CPHXL: variants seen among roughly 807,000 people sequenced by gnomAD.
The protein encoded by CPHXL is cytoplasmic polyadenylated homeobox like.
In CPHXL at chr16:75,718,447, C is replaced by A. The variant is rs1019361892; in HGVS notation, c.37G>T (p.Glu13Ter). The A allele has an allele frequency of 1.0e-5, 4 of 398,390 alleles. No homozygotes were observed. In the East Asian group the frequency reaches 1.4e-4, roughly 14 times the overall value. The allele number at this position is 398,390 out of a possible 1,614,324, so 24.7% of individuals were successfully genotyped here. A position where few individuals can be genotyped will look rare whatever the true frequency, so the allele number is the denominator to read the frequency against. The part of the protein sequence containing the change: ...LDGTSGGFPA[E>*]EDHHNEERQT... ...CTTTCTTCATTATGATGATCCTCTT[C>A]AGCTGGGAAACCTGACAAAAGTATA... Residue 13 changes from glutamate (E) to a stop codon, truncating the protein, a stop_gained, in exon 2 of 3, where the codon GAA becomes TAA. Coordinates refer to ENST00000640559, the MANE Select transcript of CPHXL (RefSeq NM_001355613.1). LOFTEE classifies it high-confidence loss of function.
chr16:75,725,178 T>C (rs1959537259), intron 1 of CPHXL, among the ~76,000 whole-genome samples: 1 of 151,926 alleles, frequency 6.6e-6, no homozygotes, highest in Non-Finnish European at 1.5e-5. Context: ...TAATGTTAAA[T>C]GACGAGTTAA....
chr16:75,725,210 G>A lies in CPHXL; in HGVS notation c.25+1208C>T, dbSNP rs376543403. 9.9e-5 allele frequency among the ~76,000 whole-genome samples: 15 copies of A among 152,170 alleles called. 1 individual carries two copies. In the South Asian group the frequency reaches 2.7e-3, roughly 27 times the overall value. ...TTAATGGGTGCAGCACACCAACATG[G>A]CACATGTATATATATGTAACTAACC... On this transcript the variant is annotated intron_variant, in intron 1 of 2. Transcript: ENST00000640559.
chr16:75,722,107 G>C (rs893649018), intron 1 of CPHXL, among the ~76,000 whole-genome samples: 13 of 152,180 alleles, frequency 8.5e-5, no homozygotes, highest in Non-Finnish European at 1.9e-4. Flanking sequence ...TCAAAGCAGT[G>C]TGTAGAGGGA....
rs996701654 is a variant in CPHXL, at chr16:75,714,597, T to C, written c.845A>G (p.Tyr282Cys). The C allele has an allele frequency of 1.0e-5, 4 of 398,560 alleles. No homozygotes were observed. Among genetic ancestry groups the C allele is most frequent in the African/African-American group, 8.2e-5 (4 of 48,642 alleles). The allele number at this position is 398,560 out of a possible 1,614,324, so 24.7% of individuals were successfully genotyped here. A position where few individuals can be genotyped will look rare whatever the true frequency, so the allele number is the denominator to read the frequency against. ...CTTCACCCCATATGCACCTTGAGCG[T>C]AATCCAAAAGGAAAGGACTTGCATG... ...SQHASPFLLD[Y>C]AQGAYGVKKD... is the part of the protein sequence containing the mutation. The change falls in exon 3 of 3, where the codon TAC (tyrosine) becomes TGC (cysteine). Residue 282 changes from tyrosine (Y) to cysteine (C), a missense_variant. Physicochemically the swap from Tyr to Cys is radical, Grantham distance 194. Transcript: ENST00000640559.
At chr16:75,718,883 C>T (rs142978956) in intron 1 of CPHXL, among the ~76,000 whole-genome samples, 23 of 152,110 alleles carry the variant, frequency 1.5e-4, no homozygotes, top group East Asian at 3.9e-4. Flanking sequence ...ATTTCATCAC[C>T]GTAAGGTAAA....
chr16:75,722,843 A>C (rs1285614099), intron 1 of CPHXL, among the ~76,000 whole-genome samples: 1 of 152,190 alleles, frequency 6.6e-6, no homozygotes, highest in Non-Finnish European at 1.5e-5. Context: ...TTGATGCAAA[A>C]ATCCTCAATA....
chr16:75,718,939 A>G (rs1461043139), intron 1 of CPHXL, among the ~76,000 whole-genome samples: 3 of 152,228 alleles, frequency 2.0e-5, no homozygotes, highest in African/African-American at 4.8e-5. Context: ...GACATGGGCT[A>G]CTGAGGGAAT....
intron 1 of CPHXL, among the ~76,000 whole-genome samples, chr16:75,724,580 A>G (rs1193094496): frequency 3.9e-5 from 6 of 152,238 alleles, no homozygotes; most frequent in Admixed American, 1.3e-4. Context: ...ATGAGATACC[A>G]TCTCACACCA....
intron 1 of CPHXL, among the ~76,000 whole-genome samples, chr16:75,719,605 G>T (rs991726983): frequency 1.3e-4 from 20 of 152,176 alleles, no homozygotes; most frequent in Non-Finnish European, 2.6e-4. Flanking sequence ...AAGCTGCCAG[G>T]AAGCTCAAAC....
At chr16:75,724,781 A>G (rs1045686563) in intron 1 of CPHXL, among the ~76,000 whole-genome samples, 10 of 152,214 alleles carry the variant, frequency 6.6e-5, no homozygotes, top group South Asian at 2.1e-4. Flanking sequence ...CTGGGTATAT[A>G]CCCAAAGGAT....
intron 1 of CPHXL, among the ~76,000 whole-genome samples, chr16:75,725,626 G>C (rs1336607255): frequency 6.6e-6 from 1 of 151,738 alleles, no homozygotes; most frequent in Non-Finnish European, 1.5e-5. Flanking sequence ...CTAATTTTTT[G>C]TATTTTTAGT....
chr16:75,725,796 TATG>T (rs1959551295), intron 1 of CPHXL, among the ~76,000 whole-genome samples: 1 of 140,232 alleles, frequency 7.1e-6, no homozygotes, highest in African/African-American at 2.7e-5. Context: ...GCAACCTTGC[TATG>T]TTGCCTGGGC....
chr16:75,719,516 A>C (rs939745408), intron 1 of CPHXL, among the ~76,000 whole-genome samples: 52 of 152,288 alleles, frequency 3.4e-4, no homozygotes, highest in African/African-American at 1.1e-3. Context: ...CTAGCACAGC[A>C]GTGTGAGATC....
At chr16:75,717,721 C>G (rs1218397956) in intron 2 of CPHXL, among the ~76,000 whole-genome samples, 1 of 152,160 alleles carries the variant, frequency 6.6e-6, no homozygotes, top group African/African-American at 2.4e-5. Context: ...AAGCATCAGC[C>G]ACAGCGCCCA....
Position 75,714,940 on chromosome 16 carries a change from G to A in CPHXL, c.502C>T (p.Gln168Ter). 2.5e-6 allele frequency: 1 copy of A among 398,658 alleles called. No individual in the cohort carries two copies. The highest frequency in any genetic ancestry group is 1.3e-4 in the South Asian group (1 of 7,860). 24.7% of individuals were successfully genotyped at this position (398,658 alleles called of 1,614,324 possible). The change falls in exon 3 of 3, where the codon CAG (glutamine) becomes TAG (stop). Residue 168 changes from glutamine (Q) to a stop codon, truncating the protein, a stop_gained. Transcript: ENST00000640559. LOFTEE classifies it low-confidence loss of function (END_TRUNC). ...SLENQETPSQ[Q>*]VGPQCSYLEK... ...AGATAAGAGCACTGGGGGCCCACCTGTTGACTGGGAGTCTCTTGGTTCTCC... is the reference window on the plus strand; with the variant it reads ...AGATAAGAGCACTGGGGGCCCACCTATTGACTGGGAGTCTCTTGGTTCTCC...
chr16:75,724,396 A>G (rs1194777627), intron 1 of CPHXL, among the ~76,000 whole-genome samples: 1 of 152,236 alleles, frequency 6.6e-6, no homozygotes, highest in Non-Finnish European at 1.5e-5. Context: ...GCTAATATCC[A>G]GAATCTACAA....
intron 1 of CPHXL, among the ~76,000 whole-genome samples, chr16:75,719,643 G>A (rs1959446091): frequency 6.6e-6 from 1 of 152,186 alleles, no homozygotes; most frequent in African/African-American, 2.4e-5. Context: ...AGCTCAAGGA[G>A]GCCTGCCTGC....
In CPHXL at chr16:75,714,203, G is replaced by A; in HGVS notation, c.*21C>T. The A allele has an allele frequency of 7.5e-6, 3 of 398,726 alleles. No homozygotes were observed. Among genetic ancestry groups the A allele is most frequent in the Non-Finnish European group, 1.3e-5 (3 of 226,190 alleles). 24.7% of individuals were successfully genotyped at this position (398,726 alleles called of 1,614,324 possible). On this transcript the variant is annotated 3_prime_UTR_variant, in exon 3 of 3. Transcript: ENST00000640559. Reference sequence around the variant, plus strand: ...GTTGCATCCTTGGTTCCCTGCTGCAGACCCTTGTCCACTCTTCAACTTAAA... The same window carrying A: ...GTTGCATCCTTGGTTCCCTGCTGCAAACCCTTGTCCACTCTTCAACTTAAA...
chr16:75,718,193 G>C (rs1296782901), intron 2 of CPHXL, 72 bp downstream of exon 2: 1 of 396,552 alleles, frequency 2.5e-6, no homozygotes, highest in Middle Eastern at 6.3e-4. Flanking sequence ...GCATCTGCCT[G>C]TGTGATAGGA....
Sources: gnomAD v4.1 joint callset for allele counts (sites outside exome capture counted in the v4.1 genomes callset) on GRCh38, gnomAD v4.1.1 for gene constraint, MANE v1.5 for transcripts, NCBI Gene and HGNC (gene_info 2026-07-23, HGNC 2026-07-21) for gene names.